The following WDR72 variants were observed in gnomAD, a reference collection of about 807,000 sequenced individuals.
WDR72 encodes WD repeat-containing protein 72.
A neutral mutation model predicts 124.2 loss-of-function variants in WDR72; 120 were observed. That is an observed-to-expected ratio of 0.97 (90% CI 0.83 to 1.12). The LOEUF is 1.12. Among genes scored for constraint, WDR72 ranks in the 50% most tolerant of loss-of-function variants. The pLI is 0.00. For missense variants in WDR72, 1,387 were observed against 1,278.8 expected (o/e 1.08, Z -1.29); for synonymous variants, 452 against 441.7 (o/e 1.02, Z -0.29).
At chr15:53,587,048 T>A (rs1352999249) in intron 18 of WDR72, among the ~76,000 whole-genome samples, 1 of 152,010 alleles carries the variant, frequency 6.6e-6, no homozygotes, top group Non-Finnish European at 1.5e-5. Context: ...GGTTTCTCAA[T>A]GATTGTAGAG....
At chr15:53,541,086 A>C (rs886651865) in intron 18 of WDR72, 5 of 156,590 alleles carry the variant, frequency 3.2e-5, no homozygotes, top group South Asian at 4.0e-4. Context: ...GCCATTGCCC[A>C]GGCTTGATTA....
intron 18 of WDR72, among the ~76,000 whole-genome samples, chr15:53,563,541 A>G (rs1391736393): frequency 1.3e-5 from 2 of 151,816 alleles, no homozygotes; most frequent in Admixed American, 1.3e-4. Flanking sequence ...GGTTTGTTGT[A>G]CATATTATTT....
chr15:53,674,928 C>T (rs191961815), intron 13 of WDR72, among the ~76,000 whole-genome samples: 272 of 151,322 alleles, frequency 1.8e-3, no homozygotes, highest in Non-Finnish European at 3.3e-3. Flanking sequence ...AGAGGTGTGG[C>T]GGGGGACAAT....
chr15:53,692,293 T>A (rs2016869366), intron 13 of WDR72, among the ~76,000 whole-genome samples: 1 of 152,212 alleles, frequency 6.6e-6, no homozygotes, highest in African/African-American at 2.4e-5. Context: ...TATGTGATAA[T>A]TCTAGTGTCC....
At chr15:53,664,913 G>T (rs1390995611) in intron 14 of WDR72, among the ~76,000 whole-genome samples, 2 of 151,980 alleles carry the variant, frequency 1.3e-5, no homozygotes, top group African/African-American at 4.8e-5. Context: ...ACATATAAAC[G>T]GCATAGTTAC....
chr15:53,722,870 C>T lies in WDR72; in HGVS notation c.192G>A (p.Ser64=), dbSNP rs779819890. Residue 64 remains serine, a synonymous_variant, in exon 3 of 20, where the codon TCG becomes TCA. Transcript: ENST00000360509. ...CCCTTGCTCTTGCCAAACATGTTAC[C>T]GAAGCTGAATGACCAAATAGGAGTT... ...AKELLFGHSA[S]VTCLARARDF... The T allele has an allele frequency of 3.7e-5, 60 of 1,612,332 alleles. No homozygotes were observed. Among genetic ancestry groups the T allele is most frequent in the East Asian group, 4.5e-5 (2 of 44,864 alleles).
intron 18 of WDR72, among the ~76,000 whole-genome samples, chr15:53,530,969 C>T (rs1206876988): frequency 2.6e-5 from 4 of 152,050 alleles, no homozygotes; most frequent in Non-Finnish European, 5.9e-5. Context: ...AGCTGACAGC[C>T]ATCTCTATCT....
chr15:53,658,239 A>G (rs968154284), intron 14 of WDR72, among the ~76,000 whole-genome samples: 3 of 152,154 alleles, frequency 2.0e-5, no homozygotes, highest in Admixed American at 2.0e-4. Context: ...TTTACCTTGG[A>G]GCATTTTTTT....
At chr15:53,604,426 G>T (rs1022677738) in intron 17 of WDR72, among the ~76,000 whole-genome samples, 1 of 152,152 alleles carries the variant, frequency 6.6e-6, no homozygotes, top group Non-Finnish European at 1.5e-5. Context: ...CATAGGCAAA[G>T]GTTTAATGGC....
intron 1 of WDR72, among the ~76,000 whole-genome samples, chr15:53,734,865 G>C (rs2018306062): frequency 6.6e-6 from 1 of 151,290 alleles, no homozygotes; most frequent in African/African-American, 2.4e-5. Context: ...TTCACATGGG[G>C]ATTCTGGAGT....
chr15:53,671,475 G>T (rs2015986937), intron 13 of WDR72, among the ~76,000 whole-genome samples: 1 of 152,152 alleles, frequency 6.6e-6, no homozygotes, highest in Non-Finnish European at 1.5e-5. Context: ...TTTTTGGCAA[G>T]TATGTGTTCC....
chr15:53,529,145 C>CATAT lies in WDR72; in HGVS notation c.3149-5827_3149-5824dup, dbSNP rs34418320. On this transcript the variant is annotated intron_variant, in intron 18 of 19. Coordinates refer to ENST00000360509, the MANE Select transcript of WDR72 (RefSeq NM_182758.4). ...AAATAATATTCCACACTGTTTAGCC[C>CATAT]ATATATATATATATATATATTTTTT... is the stretch of plus-strand genomic sequence containing the variant. Among the ~76,000 whole-genome samples, 590 of 112,472 alleles carry CATAT rather than the reference C, an allele frequency of 5.2e-3. 13 individuals carry two copies. Among genetic ancestry groups the CATAT allele is most frequent in the African/African-American group, 0.022 (573 of 26,012 alleles). 73.8% of individuals were successfully genotyped at this position (112,472 alleles called of 152,430 possible). A position where few individuals can be genotyped will look rare whatever the true frequency, so the allele number is the denominator to read the frequency against.
chr15:53,718,004 T>C (rs1304522669), intron 3 of WDR72, among the ~76,000 whole-genome samples: 1 of 152,084 alleles, frequency 6.6e-6, no homozygotes, highest in Admixed American at 6.6e-5. Flanking sequence ...TAATAATGCA[T>C]CTATAAAATA....
At chr15:53,519,716 G>A (rs1161719470) in intron 19 of WDR72, among the ~76,000 whole-genome samples, 3 of 151,992 alleles carry the variant, frequency 2.0e-5, no homozygotes, top group Non-Finnish European at 4.4e-5. Context: ...GCACTCACCT[G>A]GGTATACAGC....
intron 1 of WDR72, among the ~76,000 whole-genome samples, chr15:53,733,750 T>C (rs1331978630): frequency 2.0e-5 from 3 of 152,236 alleles, no homozygotes; most frequent in Non-Finnish European, 4.4e-5. Flanking sequence ...TAAACAATAA[T>C]CTTTATGAAA....
intron 17 of WDR72, among the ~76,000 whole-genome samples, 165 bp downstream of exon 17, chr15:53,609,345 CCCT>C (rs2013432962): frequency 6.6e-6 from 1 of 152,084 alleles, no homozygotes; most frequent in Admixed American, 6.6e-5. Flanking sequence ...GAATGGTGTA[CCCT>C]TGCTTATGTT....
rs963495505 is a variant in WDR72 at position 53,704,866 on chromosome 15, T to C, written c.1348+122A>G. The C allele has an allele frequency of 7.5e-6, 8 of 1,071,622 alleles. No homozygotes were observed. The African/African-American group carries it at 1.1e-4, about 15-fold the overall frequency. The allele number at this position is 1,071,622 out of a possible 1,614,324, so 66.4% of individuals were successfully genotyped here. A position where few individuals can be genotyped will look rare whatever the true frequency, so the allele number is the denominator to read the frequency against. ...TATGTTTTACTTTAACATTAAAATA[T>C]GTACATATTTATCAGCAAATGCCAG... On this transcript the variant is annotated intron_variant, in intron 11 of 19. Coordinates refer to ENST00000360509, the MANE Select transcript of WDR72 (RefSeq NM_182758.4).
At chr15:53,642,876 T>C (rs535427749) in intron 14 of WDR72, among the ~76,000 whole-genome samples, 1 of 152,174 alleles carries the variant, frequency 6.6e-6, no homozygotes, top group Non-Finnish European at 1.5e-5. Flanking sequence ...ATCTACCTGC[T>C]TGTCTCTGAG....
chr15:53,720,181 CTTTT>C (rs2017836921), intron 3 of WDR72, among the ~76,000 whole-genome samples: 1 of 151,180 alleles, frequency 6.6e-6, no homozygotes, highest in Non-Finnish European at 1.5e-5. Context: ...TTTTTTATTT[CTTTT>C]GTCTATTGTT....
Sources: allele counts gnomAD v4.1 joint callset (sites outside exome capture counted in the v4.1 genomes callset), GRCh38; gene constraint gnomAD v4.1.1; transcripts MANE v1.5; gene names NCBI Gene and HGNC (gene_info 2026-07-23, HGNC 2026-07-21).